Variants in PDE11A observed in about 807,000 individuals in gnomAD.
PDE11A encodes dual 3',5'-cyclic-AMP and -GMP phosphodiesterase 11A.
A neutral mutation model predicts 100.5 loss-of-function variants in PDE11A; 100 were observed. The ratio of observed to expected loss-of-function variants is 1.00; its 90% confidence interval spans 0.85 to 1.18. The LOEUF (loss-of-function observed/expected upper bound fraction) is 1.18, where lower values mean the gene tolerates loss of function less well. PDE11A is among the 50% of genes most tolerant of loss of function. The pLI is 0.00. For missense variants in PDE11A, 1,141 were observed against 1,152.6 expected (o/e 0.99, Z 0.15); for synonymous variants, 381 against 420.8 (o/e 0.91, Z 1.16).
intron 19 of PDE11A, among the ~76,000 whole-genome samples, chr2:177,654,834 C>G (rs1268712411): frequency 6.6e-6 from 1 of 152,178 alleles, no homozygotes; most frequent in Non-Finnish European, 1.5e-5. Flanking sequence ...CTTCCTCCCT[C>G]CTTTCCTCCC....
At chr2:177,913,590 C>T (rs2084912438) in intron 2 of PDE11A, among the ~76,000 whole-genome samples, 6 of 152,126 alleles carry the variant, frequency 3.9e-5, no homozygotes, top group Admixed American at 3.9e-4. Flanking sequence ...TGTTTTATGG[C>T]TACAGTCACA....
At chr2:177,660,154 TTC>T (rs67756876) in intron 19 of PDE11A, among the ~76,000 whole-genome samples, 1 of 134,872 alleles carries the variant, frequency 7.4e-6, no homozygotes, top group Admixed American at 7.4e-5. Context: ...TCTTTCTTTC[TTC>T]TCTCTCTCTC....
chr2:178,028,299 T>TAAAAAAA (rs1574352025), intron 1 of PDE11A, among the ~76,000 whole-genome samples: 1 of 24,254 alleles, frequency 4.1e-5, no homozygotes, highest in Non-Finnish European at 1.0e-4. Context: ...ACATGTTCCA[T>TAAAAAAA]CAAAAAAAAA....
intron 19 of PDE11A, among the ~76,000 whole-genome samples, chr2:177,661,956 CT>C (rs2080490943): frequency 1.3e-5 from 2 of 152,196 alleles, no homozygotes; most frequent in Admixed American, 1.3e-4. Context: ...ATCACTTAAT[CT>C]TTCTATATGT....
At position 177,922,864 on chromosome 2, in the gene PDE11A, G is replaced by T. The variant is rs1198432191; in HGVS notation, c.1072-17677C>A. 7 of 976,724 alleles carry T rather than the reference G, an allele frequency of 7.2e-6. No individual in the cohort carries two copies. In the South Asian group the frequency reaches 2.8e-4, roughly 40 times the overall value. 60.5% of individuals were successfully genotyped at this position (976,724 alleles called of 1,614,324 possible). ...ATTCCAGTCACAATAGATTATCCAT[G>T]CCCATGTACAACTAAGTTGTATACC... On this transcript the variant is annotated intron_variant, in intron 2 of 19. Coordinates refer to ENST00000286063, the MANE Select transcript of PDE11A (RefSeq NM_016953.4).
intron 12 of PDE11A, chr2:177,723,398 T>C (rs2081557217): frequency 6.6e-6 from 1 of 152,190 alleles, no homozygotes. Context: ...CTGTGATACT[T>C]GGTTATTATT....
chr2:178,014,500 T>C, intron 1 of PDE11A, 40 bp from the exon 2 acceptor site: 2 of 1,545,492 alleles, frequency 1.3e-6, no homozygotes, highest in Non-Finnish European at 1.8e-6. Flanking sequence ...GCATGTGCAT[T>C]GTTGTCAGGG....
chr2:177,795,333 C>G (rs998808152), intron 9 of PDE11A, among the ~76,000 whole-genome samples: 4 of 152,148 alleles, frequency 2.6e-5, no homozygotes, highest in African/African-American at 9.7e-5. Context: ...CGGGAAGGGG[C>G]TACAACAGGT....
chr2:178,022,878 T>C (rs936222431), intron 1 of PDE11A, among the ~76,000 whole-genome samples: 2 of 152,226 alleles, frequency 1.3e-5, no homozygotes, highest in African/African-American at 2.4e-5. Context: ...TGGTAGACTC[T>C]TACCGCTTTG....
chr2:177,922,891 C>G, intron 2 of PDE11A: 2 of 875,182 alleles, frequency 2.3e-6, no homozygotes, highest in Non-Finnish European at 2.7e-6. Context: ...TTGTATACCT[C>G]TGTCTTTGTT....
At chr2:177,850,330 A>G (rs1388286002) in intron 5 of PDE11A, among the ~76,000 whole-genome samples, 1 of 152,220 alleles carries the variant, frequency 6.6e-6, no homozygotes, top group Non-Finnish European at 1.5e-5. Flanking sequence ...CTGGCTAGAC[A>G]TATGTAGAAA....
At chr2:178,070,317 A>G (rs547547833) in intron 1 of PDE11A, among the ~76,000 whole-genome samples, 2 of 152,360 alleles carry the variant, frequency 1.3e-5, no homozygotes, top group East Asian at 3.9e-4. Flanking sequence ...TCACAAAAAT[A>G]TGAAACTTGG....
intron 12 of PDE11A, chr2:177,723,325 C>T (rs1168544183): frequency 3.3e-5 from 5 of 152,136 alleles, no homozygotes; most frequent in Non-Finnish European, 4.4e-5. Context: ...GATTTAAACA[C>T]GCTACCTCCA....
chr2:178,096,690 A>T (rs934865729), intron 2 of PDE11A, among the ~76,000 whole-genome samples: 4 of 152,156 alleles, frequency 2.6e-5, no homozygotes, highest in African/African-American at 7.2e-5. Context: ...GCAGTTCCTG[A>T]TAAGTTCCTC....
At position 177,804,996 on chromosome 2, in the gene PDE11A, G is replaced by A. The variant is rs568178493; in HGVS notation, c.1737+11833C>T. ...ATTAGATACAATGTTCACTATTAGG[G>A]TGATGGATACACTAAAAGCTGGCTC... On this transcript the variant is annotated intron_variant, in intron 9 of 19. Transcript: ENST00000286063. Among the ~76,000 whole-genome samples the A allele has an allele frequency of 2.4e-3, 357 of 151,822 alleles. 1 individual carries two copies. The highest frequency in any genetic ancestry group is 4.4e-3 in the Non-Finnish European group (299 of 67,840).
chr2:177,998,633 A>G (rs772401881), intron 2 of PDE11A: 3 of 1,291,400 alleles, frequency 2.3e-6, no homozygotes, highest in Admixed American at 3.4e-5. Context: ...GAATAAATTG[A>G]GCTGCTAATC....
chr2:178,059,317 TC>T (rs1306004014), intron 1 of PDE11A, among the ~76,000 whole-genome samples: 3 of 152,054 alleles, frequency 2.0e-5, no homozygotes, highest in Non-Finnish European at 4.4e-5. Context: ...GCCCTGGCCA[TC>T]TTGGGATGTC....
chr2:178,051,132 A>G (rs1352582636), intron 1 of PDE11A, among the ~76,000 whole-genome samples: 1 of 152,260 alleles, frequency 6.6e-6, no homozygotes, highest in African/African-American at 2.4e-5. Context: ...CACAAAGGGA[A>G]GCCCATCAGA....
At chr2:177,858,250 A>T (rs1205428625) in intron 5 of PDE11A, among the ~76,000 whole-genome samples, 1 of 152,114 alleles carries the variant, frequency 6.6e-6, no homozygotes, top group Non-Finnish European at 1.5e-5. Flanking sequence ...GACAAATGGG[A>T]TCTAATTAAA....
Sources: gnomAD v4.1 joint callset for allele counts (sites outside exome capture counted in the v4.1 genomes callset) on GRCh38, gnomAD v4.1.1 for gene constraint, MANE v1.5 for transcripts, NCBI Gene and HGNC (gene_info 2026-07-23, HGNC 2026-07-21) for gene names.